Variants in TMPRSS9 observed in about 807,000 individuals in gnomAD.
The protein encoded by TMPRSS9 is transmembrane serine protease 9.
TMPRSS9 carries 113 observed loss-of-function variants against 111.4 expected under a neutral mutation model. The ratio of observed to expected loss-of-function variants is 1.01; its 90% confidence interval spans 0.87 to 1.19. The LOEUF is 1.19. TMPRSS9 is among the 50% of genes most tolerant of loss of function. TMPRSS9 has a pLI of 0.00. For missense variants in TMPRSS9, 1,803 were observed against 1,513.1 expected (o/e 1.19, Z -3.18); for synonymous variants, 805 against 659.1 (o/e 1.22, Z -3.39).
chr19:2,396,197 G>A (rs1763978804), intron 1 of TMPRSS9: 1 of 211,224 alleles, frequency 4.7e-6, no homozygotes, highest in Non-Finnish European at 9.4e-6. Context: ...GCCAGGCACT[G>A]CATGGGAGAC....
chr19:2,360,868 G>A (rs1970189745), intron 1 of TMPRSS9, among the ~76,000 whole-genome samples: 1 of 150,538 alleles, frequency 6.6e-6, no homozygotes, highest in African/African-American at 2.5e-5. Flanking sequence ...TTCTAGACGA[G>A]GCCAGGCTGG....
In TMPRSS9 at chr19:2,417,995, C is replaced by G; in HGVS notation, c.2018-7C>G. On this transcript the variant is annotated splice_polypyrimidine_tract_variant and splice_region_variant and intron_variant, in intron 12 of 17. Coordinates refer to ENST00000648592, the Ensembl canonical transcript of TMPRSS9. ...GCACGTGGCCTTTCTGGCTCTTTCC[C>G]TGGTAGCCACCAAGCCCGAGCTCCT... 6.2e-7 allele frequency: 1 copy of G among 1,611,822 alleles called. No individual in the cohort carries two copies. Among genetic ancestry groups the G allele is most frequent in the Non-Finnish European group, 8.5e-7 (1 of 1,179,428 alleles).
intron 1 of TMPRSS9, among the ~76,000 whole-genome samples, chr19:2,391,286 A>G (rs1970586536): frequency 6.7e-6 from 1 of 149,624 alleles, no homozygotes; most frequent in East Asian, 1.9e-4. Flanking sequence ...AAATGATGAT[A>G]ATAAACAGCA....
At chr19:2,395,553 C>T (rs1488918579) in intron 1 of TMPRSS9, among the ~76,000 whole-genome samples, 1 of 152,044 alleles carries the variant, frequency 6.6e-6, no homozygotes, top group Non-Finnish European at 1.5e-5. Flanking sequence ...ATGGAGAAAC[C>T]CCATCTGTAC....
At chr19:2,405,251 G>A in intron 6 of TMPRSS9, 123 bp from the exon 8 acceptor site, 3 of 1,325,296 alleles carry the variant, frequency 2.3e-6, no homozygotes, top group African/African-American at 1.5e-5. Context: ...GCCAAGGAGG[G>A]GCCCCCAAGC....
intron 1 of TMPRSS9, among the ~76,000 whole-genome samples, chr19:2,379,109 T>C (rs1284880976): frequency 1.3e-5 from 2 of 151,834 alleles, no homozygotes; most frequent in Admixed American, 1.3e-4. Flanking sequence ...GTGGCAAAAC[T>C]TTCTAAATGT....
intron 1 of TMPRSS9, among the ~76,000 whole-genome samples, chr19:2,363,847 TGGGA>T (rs376225590): frequency 9.0e-5 from 2 of 22,284 alleles, no homozygotes; most frequent in African/African-American, 1.4e-4. Context: ...AGAGTGAGAG[TGGGA>T]GGGAGGGAGG....
chr19:2,400,771 T>A (rs1317849452), intron 4 of TMPRSS9, among the ~76,000 whole-genome samples: 1 of 144,442 alleles, frequency 6.9e-6, no homozygotes, highest in East Asian at 2.1e-4. Flanking sequence ...GTCAGGAGTT[T>A]GAGACCAGCC....
At position 2,424,679 on chromosome 19, in the gene TMPRSS9, G is replaced by A. The variant is rs72971485; in HGVS notation, c.2718-323G>A. 9.0e-3 allele frequency among the ~76,000 whole-genome samples: 1,369 copies of A among 152,258 alleles called. 7 individuals carry two copies. The highest frequency in any genetic ancestry group is 0.016 in the Non-Finnish European group (1,078 of 68,004). On this transcript the variant is annotated intron_variant, in intron 15 of 17. Transcript: ENST00000648592. ...CCCCAGGGCCCAAGCCCTGGCAGTCGAGGGGTCCGGTTTTCCAGAGGGGAC... is the reference window on the plus strand; with the variant it reads ...CCCCAGGGCCCAAGCCCTGGCAGTCAAGGGGTCCGGTTTTCCAGAGGGGAC...
intron 1 of TMPRSS9, among the ~76,000 whole-genome samples, chr19:2,372,190 T>A (rs62120681): frequency 0.067 from 10,232 of 152,144 alleles, 555 homozygotes; most frequent in East Asian, 0.26. Context: ...TGGTGCGCAG[T>A]TCAGATCTGA....
At chr19:2,417,587 G>T (rs148228698) in intron 12 of TMPRSS9, among the ~76,000 whole-genome samples, 3 of 152,104 alleles carry the variant, frequency 2.0e-5, no homozygotes, top group Admixed American at 1.3e-4. Flanking sequence ...GTTCAAGGCC[G>T]CAGTGAGCCA....
At chr19:2,384,936 CAT>C (rs1472360642), upstream of TMPRSS9, among the ~76,000 whole-genome samples, 11 of 146,716 alleles carry the variant, frequency 7.5e-5, no homozygotes, top group East Asian at 1.8e-3. Flanking sequence ...GAGCTGAGAT[CAT>C]GCCACTGCAC....
exon 16 of TMPRSS9, chr19:2,425,130 A>G (rs376969582): frequency 4.2e-5 from 67 of 1,581,620 alleles, no homozygotes; most frequent in Non-Finnish European, 5.6e-5. Context: ...CTCGACTACG[A>G]CGTGGCGCTG....
chr19:2,405,416 T>C (rs1380538579), exon 7 of TMPRSS9: 3 of 1,607,112 alleles, frequency 1.9e-6, no homozygotes, highest in East Asian at 4.6e-5. Context: ...GGCAGGATCG[T>C]GGGCGGCATG....
chr19:2,405,281 C>CA (rs1379721798), intron 6 of TMPRSS9, 93 bp from the exon 8 acceptor site: 21 of 1,447,948 alleles, frequency 1.5e-5, no homozygotes, highest in Non-Finnish European at 1.9e-5. Context: ...AACTTAGGGA[C>CA]TGTAGACGAG....
exon 6 of TMPRSS9, chr19:2,403,195 G>C (rs529471001): frequency 6.2e-7 from 1 of 1,602,878 alleles, no homozygotes; most frequent in Non-Finnish European, 8.5e-7. Context: ...GGCGCACTGC[G>C]GTCAGTCTGC....
chr19:2,396,798 G>A, intron 2 of TMPRSS9, 132 bp downstream of exon 3: 1 of 1,335,890 alleles, frequency 7.5e-7, no homozygotes, highest in East Asian at 2.5e-5. Context: ...GTGAGACCGG[G>A]AGGCCAGGCC....
In TMPRSS9 at chr19:2,418,361, C is replaced by CT. The variant is rs1261370496; in HGVS notation, c.2154+223_2154+224insT. Among the ~76,000 whole-genome samples, 24 of 41,126 alleles carry CT rather than the reference C, an allele frequency of 5.8e-4. 5 individuals are homozygous for CT. The highest frequency in any genetic ancestry group is 3.6e-3 in the African/African-American group (22 of 6,118). The allele number at this position is 41,126 out of a possible 152,430, so 27.0% of individuals were successfully genotyped here. On this transcript the variant is annotated intron_variant, in intron 13 of 17. Coordinates refer to ENST00000648592, the Ensembl canonical transcript of TMPRSS9. ...CTTCCCTCCCTTTCCCTCCCTCCCT[C>CT]CCTTCCCTTCCCTCCCTCCCTTTCC...
chr19:2,369,551 A>G (rs1970273229), intron 1 of TMPRSS9, among the ~76,000 whole-genome samples: 1 of 151,388 alleles, frequency 6.6e-6, no homozygotes, highest in African/African-American at 2.4e-5. Flanking sequence ...CAGCCTCCCA[A>G]GTAGCTGGGA....
Sources: allele counts gnomAD v4.1 joint callset (sites outside exome capture counted in the v4.1 genomes callset), GRCh38; gene constraint gnomAD v4.1.1; transcripts MANE v1.5; gene names NCBI Gene and HGNC (gene_info 2026-07-23, HGNC 2026-07-21).